The following CYP27B1 variants were observed in gnomAD, a reference collection of about 807,000 sequenced individuals.
CYP27B1 encodes cytochrome P450 family 27 subfamily B member 1.
CYP27B1 carries 46 observed loss-of-function variants against 54.8 expected under a neutral mutation model. The observed-to-expected ratio is 0.84, with a 90% CI of 0.66 to 1.07. The LOEUF is 1.07. Ranked by LOEUF, CYP27B1 falls within the 50% of genes least tolerant of loss-of-function variation. The probability of loss-of-function intolerance (pLI) is 0.00; values close to 1 mark genes in which losing one functional copy is unlikely to be tolerated. For synonymous variants in CYP27B1, 292 were observed against 297.3 expected (o/e 0.98, Z 0.18); for missense variants, 674 against 692.2 (o/e 0.97, Z 0.30).
rs775114472 is a variant in CYP27B1 at position 57,765,097 on chromosome 12, G to T, written c.704C>A (p.Thr235Asn). 6 of 1,613,880 alleles carry T rather than the reference G, an allele frequency of 3.7e-6. No individual in the cohort carries two copies. In the African/African-American group the frequency reaches 4.0e-5, roughly 11 times the overall value. ...GCGCAGCCAGTGGGGCATCGCCATG[G>T]TCAACAGCGTGGACACAAACACCGA... The part of the protein sequence containing the change: ...VGSVFVSTLL[T>N]MAMPHWLRHL... The change falls in exon 4 of 9, where the codon ACC becomes AAC. Residue 235 changes from threonine to asparagine, a missense_variant. Transcript: ENST00000228606. This position sits in a 1 kb window ranked among gnomAD's most constrained non-coding sequence, Gnocchi z 5.8.
intron 7 of CYP27B1, 39 bp downstream of exon 7, chr12:57,764,059 G>A (rs1955338941): frequency 6.6e-7 from 1 of 1,517,968 alleles, no homozygotes; most frequent in Non-Finnish European, 9.2e-7. Context: ...AAGATAGTGA[G>A]GAATGGCTCA....
Position 57,765,078 on chromosome 12 carries a change from C to T in CYP27B1, c.723G>A (p.Trp241Ter), listed in dbSNP as rs1349447802. ...AGGGCCCAGGCACAAGGTGGCGCAGCCAGTGGGGCATCGCCATGGTCAACA... is the reference window on the plus strand; with the variant it reads ...AGGGCCCAGGCACAAGGTGGCGCAGTCAGTGGGGCATCGCCATGGTCAACA... ...STLLTMAMPH[W>*]LRHLVPGPWG... is the part of the protein sequence containing the mutation. The change falls in exon 4 of 9, where the codon TGG becomes TGA. Residue 241 changes from tryptophan to a stop codon, truncating the protein, a stop_gained. Coordinates refer to ENST00000228606, the MANE Select transcript of CYP27B1 (RefSeq NM_000785.4). LOFTEE classifies it high-confidence loss of function. The surrounding 1 kb of genome is among the most constrained non-coding windows in gnomAD (Gnocchi z 5.8). 6.2e-7 allele frequency: 1 copy of T among 1,613,740 alleles called. No homozygotes were observed. Among genetic ancestry groups the T allele is most frequent in the Non-Finnish European group, 8.5e-7 (1 of 1,180,044 alleles).
rs755142592 is a variant in CYP27B1 at position 57,764,122 on chromosome 12, C to G, written c.1191G>C (p.Val397=). The change falls in exon 7 of 9, where the codon GTG becomes GTC. Residue 397 remains valine, a synonymous_variant. Transcript: ENST00000228606. ...CATTTTTGGGGATAATATAGTCACC[C>G]ACATGAATGTCTTTGTCTGGGACAC... ...NSRVPDKDIH[V]GDYIIPKNTL... is the part of the protein sequence containing the mutation. 5.6e-6 allele frequency: 9 copies of G among 1,613,730 alleles called. No homozygotes were observed. Among genetic ancestry groups the G allele is most frequent in the Non-Finnish European group, 7.6e-6 (9 of 1,179,750 alleles).
chr12:57,765,869 G>A lies in CYP27B1; in HGVS notation c.386+138C>T. On this transcript the variant is annotated intron_variant, in intron 2 of 8. Coordinates refer to ENST00000228606, the MANE Select transcript of CYP27B1 (RefSeq NM_000785.4). The surrounding 1 kb of genome is among the most constrained non-coding windows in gnomAD (Gnocchi z 5.8). Reference sequence around the variant, plus strand: ...CCTGAGTGTGGGTGAAGCAGACTGGGATGGGAACCCCAAGATGCCCAATGG... The same window carrying A: ...CCTGAGTGTGGGTGAAGCAGACTGGAATGGGAACCCCAAGATGCCCAATGG... 1 of 1,415,464 alleles carries A rather than the reference G, an allele frequency of 7.1e-7. No individual in the cohort carries two copies. The highest frequency in any genetic ancestry group is 9.3e-7 in the Non-Finnish European group (1 of 1,080,382). The allele number at this position is 1,415,464 out of a possible 1,614,324, so 87.7% of individuals were successfully genotyped here.
rs573538895 is a variant in CYP27B1, at chr12:57,763,703, G to C, written c.1321C>G (p.His441Asp). 3.7e-6 allele frequency: 6 copies of C among 1,608,102 alleles called. No individual in the cohort carries two copies. The East Asian group carries it at 8.9e-5, about 24-fold the overall frequency. Residue 441 changes from histidine to aspartate, a missense_variant, in exon 8 of 9, where the codon CAC (histidine) becomes GAC (aspartate). Physicochemically the swap from His to Asp is moderately conservative, Grantham distance 81 (BLOSUM62 -1). Coordinates refer to ENST00000228606, the MANE Select transcript of CYP27B1 (RefSeq NM_000785.4). ...CCAAAGGGAAGAGATGCAAATGGGT[G>C]GGGGGTGGGACCCTCCCCCAGCCAG... ...ARWLGEGPTP[H>D]PFASLPFGFG...
rs1476754742 is a variant in CYP27B1 at position 57,762,478 on chromosome 12, C to T, written c.*664G>A. Reference sequence around the variant, plus strand: ...ATGGGGCAAACCCACTTAATAGTGGCCAGAGAGCAAAGGAGAGTTATAAGA... The same window carrying T: ...ATGGGGCAAACCCACTTAATAGTGGTCAGAGAGCAAAGGAGAGTTATAAGA... On this transcript the variant is annotated 3_prime_UTR_variant, in exon 9 of 9. Transcript: ENST00000228606. The T allele has an allele frequency of 6.4e-6, 1 of 155,052 alleles. No homozygotes were observed. Among genetic ancestry groups the T allele is most frequent in the Non-Finnish European group, 1.4e-5 (1 of 69,778 alleles). 9.6% of individuals were successfully genotyped at this position (155,052 alleles called of 1,614,324 possible). A position where few individuals can be genotyped will look rare whatever the true frequency, so the allele number is the denominator to read the frequency against.
Position 57,765,825 on chromosome 12 carries a change from G to C in CYP27B1, c.386+182C>G. 1 of 1,206,042 alleles carries C rather than the reference G, an allele frequency of 8.3e-7. No homozygotes were observed. Among genetic ancestry groups the C allele is most frequent in the Non-Finnish European group, 1.1e-6 (1 of 889,424 alleles). The allele number at this position is 1,206,042 out of a possible 1,614,324, so 74.7% of individuals were successfully genotyped here. Reference sequence around the variant, plus strand: ...CTCAAAGGATAAGGAGGTAGGCGGGGAGTGAGGTTGGGGCTCAACCTGAGT... The same window carrying C: ...CTCAAAGGATAAGGAGGTAGGCGGGCAGTGAGGTTGGGGCTCAACCTGAGT... On this transcript the variant is annotated intron_variant, in intron 2 of 8. Coordinates refer to ENST00000228606, the MANE Select transcript of CYP27B1 (RefSeq NM_000785.4). The surrounding 1 kb of genome is among the most constrained non-coding windows in gnomAD (Gnocchi z 5.8).
At position 57,763,596 on chromosome 12, in the gene CYP27B1, A is replaced by G. The variant is rs1260203969; in HGVS notation, c.1413+15T>C. 1.9e-6 allele frequency: 3 copies of G among 1,612,410 alleles called. No individual in the cohort carries two copies. Among genetic ancestry groups the G allele is most frequent in the Non-Finnish European group, 2.5e-6 (3 of 1,178,854 alleles). On this transcript the variant is annotated intron_variant, in intron 8 of 8. Coordinates refer to ENST00000228606, the MANE Select transcript of CYP27B1 (RefSeq NM_000785.4). The stretch of plus-strand genomic sequence containing the variant: ...CTCTCCAGTCTGGGGAAGGTATAAA[A>G]TCTAGAGCACTCACCTGGGCCAAAG...
intron 1 of CYP27B1, 58 bp downstream of exon 1, chr12:57,766,789 G>C (rs1955365541): frequency 1.3e-6 from 2 of 1,575,168 alleles, no homozygotes; most frequent in African/African-American, 2.7e-5. Flanking sequence ...AGTCCTTTCT[G>C]ACGCTGTCAA....
rs562671945 is a variant in CYP27B1, at chr12:57,762,541, G to A, written c.*601C>T. 1.2e-5 allele frequency: 2 copies of A among 165,612 alleles called. No homozygotes were observed. The highest frequency in any genetic ancestry group is 1.5e-4 in the South Asian group (1 of 6,582). 10.3% of individuals were successfully genotyped at this position (165,612 alleles called of 1,614,324 possible). On this transcript the variant is annotated 3_prime_UTR_variant, in exon 9 of 9. Coordinates refer to ENST00000228606, the MANE Select transcript of CYP27B1 (RefSeq NM_000785.4). The stretch of plus-strand genomic sequence containing the variant: ...GGCTAGGGCAGATTCACCTTCCTAG[G>A]GGCAAGACAAAGAAGGAAGGGGGTA...
rs1416494198 is a variant in CYP27B1 at position 57,765,137 on chromosome 12, T to C, written c.664A>G (p.Ile222Val). The part of the protein sequence containing the change: ...AQVPPDTETF[I>V]RAVGSVFVST... ...ACAAACACCGAGCCCACAGCGCGGA[T>C]GAAGGTCTCCGTGTCGGGTGGCACT... Residue 222 changes from isoleucine to valine, a missense_variant, in exon 4 of 9, where the codon ATC becomes GTC. Physicochemically the swap from Ile to Val is conservative, Grantham distance 29. Coordinates refer to ENST00000228606, the MANE Select transcript of CYP27B1 (RefSeq NM_000785.4). This position sits in a 1 kb window ranked among gnomAD's most constrained non-coding sequence, Gnocchi z 5.8. 1.2e-5 allele frequency: 20 copies of C among 1,613,728 alleles called. No individual in the cohort carries two copies. Among genetic ancestry groups the C allele is most frequent in the African/African-American group, 2.7e-5 (2 of 74,920 alleles).
rs775231921 is a variant in CYP27B1 at position 57,767,046 on chromosome 12, T to A, written c.-5A>T. The A allele has an allele frequency of 6.2e-6, 10 of 1,613,966 alleles. No individual in the cohort carries two copies. The South Asian group carries it at 1.1e-4, about 18-fold the overall frequency. ...GTACTTGAGGGTCTGGGTCATGGTC[T>A]GGTTCAGGGTGCTCGCGAAAGAAAG... On this transcript the variant is annotated 5_prime_UTR_variant, in exon 1 of 9. Coordinates refer to ENST00000228606, the MANE Select transcript of CYP27B1 (RefSeq NM_000785.4).
Position 57,765,204 on chromosome 12 carries a change from G to C in CYP27B1, c.597C>G (p.Ala199=). ...CCAAGCGCGAGCCGAGCAGAACCGCGGCGATGCCTTGTCGGGAGGGGGCGC... is the reference window on the plus strand; with the variant it reads ...CCAAGCGCGAGCCGAGCAGAACCGCCGCGATGCCTTGTCGGGAGGGGGCGC... ...EFYKFGLEGI[A]AVLLGSRLGC... Residue 199 remains alanine (A), a synonymous_variant, in exon 4 of 9, where the codon GCC becomes GCG. Coordinates refer to ENST00000228606, the MANE Select transcript of CYP27B1 (RefSeq NM_000785.4). This position sits in a 1 kb window ranked among gnomAD's most constrained non-coding sequence, Gnocchi z 5.8. 1 of 1,612,682 alleles carries C rather than the reference G, an allele frequency of 6.2e-7. No individual in the cohort carries two copies. Among genetic ancestry groups the C allele is most frequent in the Non-Finnish European group, 8.5e-7 (1 of 1,179,510 alleles).
intron 1 of CYP27B1, 58 bp from the exon 2 acceptor site, chr12:57,766,255 C>A: frequency 6.8e-7 from 1 of 1,477,994 alleles, no homozygotes; most frequent in Non-Finnish European, 9.0e-7. Flanking sequence ...TCAGCTTGAC[C>A]TGTGCCCACG....
At position 57,766,649 on chromosome 12, in the gene CYP27B1, C is replaced by A. The variant is rs999840925; in HGVS notation, c.195+198G>T. 5.9e-5 allele frequency: 38 copies of A among 643,106 alleles called. 1 individual carries two copies. Among genetic ancestry groups the A allele is most frequent in the Non-Finnish European group, 1.0e-4 (37 of 370,934 alleles). 39.8% of individuals were successfully genotyped at this position (643,106 alleles called of 1,614,324 possible). On this transcript the variant is annotated intron_variant, in intron 1 of 8. Coordinates refer to ENST00000228606, the MANE Select transcript of CYP27B1 (RefSeq NM_000785.4). ...GGACAGCGAGAAGGCGCTTTCGCAG[C>A]GCCCTCTGCTAAGAGTCGGGACGGG...
In CYP27B1 at chr12:57,765,861, C is replaced by A; in HGVS notation, c.386+146G>T. 1 of 1,405,182 alleles carries A rather than the reference C, an allele frequency of 7.1e-7. No individual in the cohort carries two copies. The highest frequency in any genetic ancestry group is 9.3e-7 in the Non-Finnish European group (1 of 1,071,452). The allele number at this position is 1,405,182 out of a possible 1,614,324, so 87.0% of individuals were successfully genotyped here. On this transcript the variant is annotated intron_variant, in intron 2 of 8. Transcript: ENST00000228606. The surrounding 1 kb of genome is among the most constrained non-coding windows in gnomAD (Gnocchi z 5.8). ...GGGCTCAACCTGAGTGTGGGTGAAG[C>A]AGACTGGGATGGGAACCCCAAGATG...
At position 57,765,676 on chromosome 12, in the gene CYP27B1, A is replaced by T; in HGVS notation, c.387-177T>A. The T allele has an allele frequency of 1.1e-6, 1 of 886,598 alleles. No individual in the cohort carries two copies. Among genetic ancestry groups the T allele is most frequent in the Non-Finnish European group, 1.8e-6 (1 of 546,022 alleles). 54.9% of individuals were successfully genotyped at this position (886,598 alleles called of 1,614,324 possible). A position where few individuals can be genotyped will look rare whatever the true frequency, so the allele number is the denominator to read the frequency against. ...CTTCCAGCCCCCTTCCTCTTTACTC[A>T]TTTCCTGCCCTCAGGGGCCGGGGTT... On this transcript the variant is annotated intron_variant, in intron 2 of 8. Coordinates refer to ENST00000228606, the MANE Select transcript of CYP27B1 (RefSeq NM_000785.4). This position sits in a 1 kb window ranked among gnomAD's most constrained non-coding sequence, Gnocchi z 5.8.
Position 57,764,781 on chromosome 12 carries a change from T to C in CYP27B1, c.936A>G (p.Thr312=). The C allele has an allele frequency of 6.2e-7, 1 of 1,614,146 alleles. No individual in the cohort carries two copies. Among genetic ancestry groups the C allele is most frequent in the Non-Finnish European group, 8.5e-7 (1 of 1,180,026 alleles). ...LPAQSILGNV[T]ELLLAGVDTV... The stretch of plus-strand genomic sequence containing the variant: ...TGTCCACTCCCGCCAATAGCAACTC[T>C]GTCACATTTCCCAGGATGGACTGGG... The change falls in exon 5 of 9, where the codon ACA becomes ACG. Residue 312 remains threonine (T), a synonymous_variant. Transcript: ENST00000228606.
rs771340739 is a variant in CYP27B1, at chr12:57,764,851, G to A, written c.866C>T (p.Ser289Phe). Residue 289 changes from serine (S) to phenylalanine (F), a missense_variant, in exon 5 of 9, where the codon TCT (serine) becomes TTT (phenylalanine). Coordinates refer to ENST00000228606, the MANE Select transcript of CYP27B1 (RefSeq NM_000785.4). ...NGGQPEKDLE[S>F]GAHLTHFLFR... Reference sequence around the variant, plus strand: ...CAGGAAGTGGGTCAGGTGCGCCCCAGACTCCAGGTCCTTCTCGGGCTGTCC... The same window carrying A: ...CAGGAAGTGGGTCAGGTGCGCCCCAAACTCCAGGTCCTTCTCGGGCTGTCC... The A allele has an allele frequency of 6.2e-7, 1 of 1,614,182 alleles. No homozygotes were observed. Among genetic ancestry groups the A allele is most frequent in the Admixed American group, 1.7e-5 (1 of 60,026 alleles).
Sources: allele counts gnomAD v4.1 joint callset, GRCh38; gene constraint gnomAD v4.1.1; non-coding constraint Gnocchi (gnomAD v3.1); transcripts MANE v1.5; gene names NCBI Gene and HGNC (gene_info 2026-07-23, HGNC 2026-07-21).